Variants in ACSS3 observed in about 807,000 individuals in gnomAD.
ACSS3 encodes acyl-CoA synthetase short chain family member 3.
A neutral mutation model predicts 84.2 loss-of-function variants in ACSS3; 64 were observed. That is an observed-to-expected ratio of 0.76 (90% CI 0.62 to 0.94). The LOEUF (loss-of-function observed/expected upper bound fraction) is 0.94. Among genes scored for constraint, ACSS3 ranks in the 40% least tolerant of loss-of-function variants. ACSS3 has a pLI of 0.00. For synonymous variants in ACSS3, 317 were observed against 310.1 expected (o/e 1.02, Z -0.23); for missense variants, 815 against 867.6 (o/e 0.94, Z 0.76).
At chr12:81,144,395 T>A (rs577652139) in intron 5 of ACSS3, among the ~76,000 whole-genome samples, 2 of 152,350 alleles carry the variant, frequency 1.3e-5, no homozygotes, top group Middle Eastern at 3.4e-3. Context: ...GTTGCAACTC[T>A]AGTGACTTGA....
chr12:81,157,510 A>G (rs559903103), intron 7 of ACSS3, among the ~76,000 whole-genome samples: 115 of 152,276 alleles, frequency 7.6e-4, no homozygotes, highest in Non-Finnish European at 8.1e-4. Flanking sequence ...AGCTCATTTA[A>G]TAAAGAAGTA....
chr12:81,131,611 C>T (rs1885509816), intron 2 of ACSS3, among the ~76,000 whole-genome samples: 1 of 152,122 alleles, frequency 6.6e-6, no homozygotes, highest in African/African-American at 2.4e-5. Flanking sequence ...AATTGAATAC[C>T]ATTTATTTCT....
chr12:81,180,664 T>C (rs954700707), intron 8 of ACSS3, among the ~76,000 whole-genome samples: 1 of 151,978 alleles, frequency 6.6e-6, no homozygotes, highest in African/African-American at 2.4e-5. Flanking sequence ...TACAGGTGCC[T>C]GCCACCACGC....
At chr12:81,126,471 C>T (rs530069639) in intron 2 of ACSS3, among the ~76,000 whole-genome samples, 1 of 152,178 alleles carries the variant, frequency 6.6e-6, no homozygotes, top group Non-Finnish European at 1.5e-5. Flanking sequence ...ATTATTTTCT[C>T]TGTCCACAAT....
intron 7 of ACSS3, among the ~76,000 whole-genome samples, chr12:81,159,284 A>G (rs1887032527): frequency 6.6e-6 from 1 of 152,198 alleles, no homozygotes; most frequent in Non-Finnish European, 1.5e-5. Context: ...AAACACTCAA[A>G]TCAAGAATAT....
At chr12:81,082,841 T>G (rs1881072869) in intron 1 of ACSS3, among the ~76,000 whole-genome samples, 1 of 152,196 alleles carries the variant, frequency 6.6e-6, no homozygotes, top group Admixed American at 6.5e-5. Flanking sequence ...ATCATGACGG[T>G]ATCTATTTCT....
chr12:81,216,383 G>A (rs1335364560), intron 9 of ACSS3, among the ~76,000 whole-genome samples: 1 of 151,818 alleles, frequency 6.6e-6, no homozygotes, highest in Non-Finnish European at 1.5e-5. Context: ...TAAAAGTAAT[G>A]GCAGAAACCG....
rs769661021 is a variant in ACSS3 at position 81,098,129 on chromosome 12, T to TGAGAGAGA, written c.312-11415_312-11408dup. Among the ~76,000 whole-genome samples, 456 of 135,142 alleles carry TGAGAGAGA rather than the reference T, an allele frequency of 3.4e-3. 5 individuals are homozygous for TGAGAGAGA. The highest frequency in any genetic ancestry group is 0.012 in the African/African-American group (429 of 35,612). The allele number at this position is 135,142 out of a possible 152,430, so 88.7% of individuals were successfully genotyped here. ...TTGGCATATCTAAATGGTCCCAGTA[T>TGAGAGAGA]GAGAGAGAGAGAGAGAGAGAGAGTG... On this transcript the variant is annotated intron_variant, in intron 1 of 15. Coordinates refer to ENST00000548058, the MANE Select transcript of ACSS3 (RefSeq NM_024560.4).
chr12:81,225,956 A>C (rs963608054), intron 11 of ACSS3, among the ~76,000 whole-genome samples: 11 of 151,826 alleles, frequency 7.2e-5, no homozygotes, highest in African/African-American at 2.7e-4. Flanking sequence ...CTTCCACTCA[A>C]ATCTTTCTCA....
chr12:81,220,092 A>C lies in ACSS3; in HGVS notation c.1514+16A>C. 1 of 1,516,984 alleles carries C rather than the reference A, an allele frequency of 6.6e-7. No individual in the cohort carries two copies. The highest frequency in any genetic ancestry group is 8.9e-7 in the Non-Finnish European group (1 of 1,126,062). 94.0% of individuals were successfully genotyped at this position (1,516,984 alleles called of 1,614,324 possible). A position where few individuals can be genotyped will look rare whatever the true frequency, so the allele number is the denominator to read the frequency against. ...TTGTGGTAAAGTAAGCAAAAATTTCAATACTACTATATTAAAGGGCAAAAA... is the reference window on the plus strand; with the variant it reads ...TTGTGGTAAAGTAAGCAAAAATTTCCATACTACTATATTAAAGGGCAAAAA... On this transcript the variant is annotated intron_variant, in intron 11 of 15. Transcript: ENST00000548058.
At chr12:81,190,463 T>C (rs2031507509) in intron 8 of ACSS3, among the ~76,000 whole-genome samples, 1 of 152,128 alleles carries the variant, frequency 6.6e-6, no homozygotes, top group Non-Finnish European at 1.5e-5. Flanking sequence ...AATGACCTAC[T>C]TTCTGAAGCT....
rs533729382 is a variant in ACSS3, at chr12:81,235,176, G to C, written c.1719+1705G>C. 1.8e-3 allele frequency among the ~76,000 whole-genome samples: 277 copies of C among 151,424 alleles called. 1 individual carries two copies. The highest frequency in any genetic ancestry group is 6.2e-3 in the African/African-American group (256 of 41,442). On this transcript the variant is annotated intron_variant, in intron 13 of 15. Coordinates refer to ENST00000548058, the MANE Select transcript of ACSS3 (RefSeq NM_024560.4). ...TGTTCCAGCATCATTTGTTGAAAAA[G>C]CTGCCCTTTCTCTATTGAATTGCCA...
At chr12:81,175,725 G>T (rs1342461922) in intron 8 of ACSS3, among the ~76,000 whole-genome samples, 1 of 152,124 alleles carries the variant, frequency 6.6e-6, no homozygotes. Flanking sequence ...CAATTACATG[G>T]AAATTAAACA....
At position 81,142,438 on chromosome 12, in the gene ACSS3, C is replaced by A. The variant is rs1886137954; in HGVS notation, c.781-669C>A. On this transcript the variant is annotated intron_variant, in intron 4 of 15. Transcript: ENST00000548058. ...GTTTTTAAAAAAGACTATTTAATTT[C>A]TTTAAAGGAGTATCTGTTTAACTCA... Among the ~76,000 whole-genome samples the A allele has an allele frequency of 4.6e-5, 7 of 152,238 alleles. No homozygotes were observed. In the South Asian group the frequency reaches 1.2e-3, roughly 27 times the overall value.
intron 8 of ACSS3, among the ~76,000 whole-genome samples, chr12:81,189,081 C>T (rs2031433610): frequency 6.6e-6 from 1 of 152,122 alleles, no homozygotes; most frequent in Admixed American, 6.6e-5. Flanking sequence ...TCTCCCCCTC[C>T]AACCACCCTG....
chr12:81,085,518 T>C (rs1206609146), intron 1 of ACSS3, among the ~76,000 whole-genome samples: 3 of 152,232 alleles, frequency 2.0e-5, no homozygotes, highest in Non-Finnish European at 4.4e-5. Flanking sequence ...GAATTGAATC[T>C]TAAGGCCACA....
At chr12:81,084,592 G>A (rs930806324) in intron 1 of ACSS3, among the ~76,000 whole-genome samples, 8 of 151,918 alleles carry the variant, frequency 5.3e-5, no homozygotes, top group Non-Finnish European at 8.8e-5. Context: ...AGAAGCTTAT[G>A]AAAGTTGAAG....
intron 4 of ACSS3, among the ~76,000 whole-genome samples, chr12:81,142,611 T>C (rs1270014199): frequency 3.9e-5 from 6 of 152,170 alleles, no homozygotes; most frequent in Non-Finnish European, 8.8e-5. Flanking sequence ...GAAGAATTAA[T>C]GTTTTCTTAT....
At chr12:81,165,137 ATATT>A (rs1186480172) in intron 7 of ACSS3, among the ~76,000 whole-genome samples, 1 of 152,208 alleles carries the variant, frequency 6.6e-6, no homozygotes. Context: ...TGTTAAAAAA[ATATT>A]TATTTTTGAG....
Sources: gnomAD v4.1 joint callset for allele counts (sites outside exome capture counted in the v4.1 genomes callset) on GRCh38, gnomAD v4.1.1 for gene constraint, MANE v1.5 for transcripts, NCBI Gene and HGNC (gene_info 2026-07-23, HGNC 2026-07-21) for gene names.